CADM1: variants seen among roughly 807,000 people sequenced by gnomAD.
CADM1 encodes TSLC-1.
A neutral mutation model predicts 53.1 loss-of-function variants in CADM1; 15 were observed. The ratio of observed to expected loss-of-function variants is 0.28; its 90% CI spans 0.19 to 0.44. The LOEUF (loss-of-function observed/expected upper bound fraction) is 0.44. CADM1 is among the 20% of genes least tolerant of loss of function. The pLI is 1.00. For missense variants in CADM1, 434 were observed against 611.3 expected (o/e 0.71, Z 3.06); for synonymous variants, 281 against 243.0 (o/e 1.16, Z -1.45).
Position 115,260,130 on chromosome 11 carries a change from A to G in CADM1, c.125-19710T>C, listed in dbSNP as rs117138101. On this transcript the variant is annotated intron_variant, in intron 1 of 11. Coordinates refer to ENST00000331581, the MANE Select transcript of CADM1 (RefSeq NM_001301043.2). The stretch of plus-strand genomic sequence containing the variant: ...TTTTGTTTAGAGACGGGGTCTGTCT[A>G]TGTTGCCCAGGCTGGTCTCAAACTC... 4.3e-4 allele frequency among the ~76,000 whole-genome samples: 66 copies of G among 152,130 alleles called. No individual in the cohort carries two copies. In the East Asian group the frequency reaches 9.3e-3, roughly 22 times the overall value.
chr11:115,210,301 A>C (rs769963131), intron 7 of CADM1, among the ~76,000 whole-genome samples: 1 of 152,256 alleles, frequency 6.6e-6, no homozygotes, highest in Non-Finnish European at 1.5e-5. Context: ...AATATTAATA[A>C]GTTGCCTTTG....
intron 1 of CADM1, among the ~76,000 whole-genome samples, chr11:115,292,657 C>T (rs1943935823): frequency 6.6e-6 from 1 of 152,130 alleles, no homozygotes; most frequent in South Asian, 2.1e-4. Context: ...TTCAATCCTC[C>T]AAGGGATATG....
chr11:115,175,661 G>A lies in CADM1; in HGVS notation c.*813C>T, dbSNP rs1000161176. 1.6e-5 allele frequency: 16 copies of A among 985,938 alleles called. No homozygotes were observed. Among genetic ancestry groups the A allele is most frequent in the South Asian group, 4.7e-5 (1 of 21,300 alleles). The allele number at this position is 985,938 out of a possible 1,614,324, so 61.1% of individuals were successfully genotyped here. On this transcript the variant is annotated 3_prime_UTR_variant, in exon 12 of 12. Coordinates refer to ENST00000331581, the MANE Select transcript of CADM1 (RefSeq NM_001301043.2). ...TCTGCCCCAAACCTTTCTGGACAGC[G>A]TAGGGTATCTATACTGAGCCGTCTA...
At chr11:115,326,715 G>T (rs1237488754) in intron 1 of CADM1, among the ~76,000 whole-genome samples, 1 of 152,072 alleles carries the variant, frequency 6.6e-6, no homozygotes, top group Non-Finnish European at 1.5e-5. Flanking sequence ...ACTTAAAGAT[G>T]ATGAATATTA....
chr11:115,433,051 T>C (rs184285619), intron 1 of CADM1, among the ~76,000 whole-genome samples: 18 of 152,272 alleles, frequency 1.2e-4, no homozygotes, highest in Admixed American at 1.0e-3. Context: ...CTTTAATAGA[T>C]GTGTAAGTCA....
chr11:115,176,415 T>C lies in CADM1; in HGVS notation c.*59A>G, dbSNP rs1288307569. The C allele has an allele frequency of 2.8e-5, 45 of 1,608,904 alleles. No homozygotes were observed. In the South Asian group the frequency reaches 4.5e-4, roughly 16 times the overall value. The stretch of plus-strand genomic sequence containing the variant: ...AATTTCTCGCAAGTTCCAATATCAC[T>C]GTCTCTTTATCATCTAAATAGGGCC... On this transcript the variant is annotated 3_prime_UTR_variant, in exon 12 of 12. Transcript: ENST00000331581.
intron 1 of CADM1, among the ~76,000 whole-genome samples, chr11:115,472,466 TGAGA>T (rs372055333): frequency 1.1e-4 from 17 of 152,290 alleles, no homozygotes; most frequent in African/African-American, 4.1e-4. Context: ...GGTGTGTGTG[TGAGA>T]GAGAGTGCAC....
chr11:115,427,029 GGTTCAACTCT>G (rs1362401929), intron 1 of CADM1, among the ~76,000 whole-genome samples: 2 of 152,120 alleles, frequency 1.3e-5, no homozygotes, highest in African/African-American at 4.8e-5. Context: ...AACATTACTT[GGTTCAACTCT>G]GTTCATTAAA....
chr11:115,286,463 T>C (rs1591672473), intron 1 of CADM1, among the ~76,000 whole-genome samples: 1 of 152,208 alleles, frequency 6.6e-6, no homozygotes, highest in Non-Finnish European at 1.5e-5. Flanking sequence ...GATTACTATA[T>C]GCATTTTCAA....
At chr11:115,389,647 A>G (rs1251824743) in intron 1 of CADM1, among the ~76,000 whole-genome samples, 1 of 152,224 alleles carries the variant, frequency 6.6e-6, no homozygotes, top group Non-Finnish European at 1.5e-5. Flanking sequence ...ATATAGCATG[A>G]TCACAACTAA....
At chr11:115,178,889 CAG>C (rs2134585681) in intron 10 of CADM1, 114 bp from the exon 11 acceptor site, 5 of 1,150,446 alleles carry the variant, frequency 4.3e-6, no homozygotes, top group South Asian at 3.8e-5. Context: ...GGAGGAGTCA[CAG>C]AGAACAATCG....
At chr11:115,406,775 C>T (rs1414702066) in intron 1 of CADM1, among the ~76,000 whole-genome samples, 2 of 150,988 alleles carry the variant, frequency 1.3e-5, no homozygotes, top group East Asian at 3.9e-4. Flanking sequence ...GGTGAAACCC[C>T]ATCTCAACTA....
chr11:115,404,327 G>GGAAAAAAAAAAAAA (rs1947243269), intron 1 of CADM1, among the ~76,000 whole-genome samples: 1 of 5,832 alleles, frequency 1.7e-4, no homozygotes, highest in East Asian at 5.9e-3. Context: ...ATCTGTCTCG[G>GGAAAAAAAAAAAAA]AAAAAAAAAA....
chr11:115,481,914 C>T (rs1056584414), intron 1 of CADM1, among the ~76,000 whole-genome samples: 5 of 152,166 alleles, frequency 3.3e-5, no homozygotes, highest in Non-Finnish European at 7.3e-5. Flanking sequence ...ATTCGTCCTG[C>T]ACCCTCCCGC....
In CADM1 at chr11:115,465,740, T is replaced by A. The variant is rs1948886454; in HGVS notation, c.124+38531A>T. ...CTTCAGAATCTGCCTCCCTTAGATT[T>A]TTTTTCCCCAAGCATTCAATTTTGA... On this transcript the variant is annotated intron_variant, in intron 1 of 11. Transcript: ENST00000331581. Among the ~76,000 whole-genome samples, 3 of 152,016 alleles carry A rather than the reference T, an allele frequency of 2.0e-5. No homozygotes were observed. In the South Asian group the frequency reaches 6.2e-4, roughly 32 times the overall value.
At chr11:115,307,607 G>A (rs1436748257) in intron 1 of CADM1, among the ~76,000 whole-genome samples, 1 of 151,268 alleles carries the variant, frequency 6.6e-6, no homozygotes, top group African/African-American at 2.4e-5. Context: ...CAGGTCTTTA[G>A]GATTAACTAG....
intron 1 of CADM1, among the ~76,000 whole-genome samples, chr11:115,258,405 G>T (rs1942861833): frequency 6.6e-6 from 1 of 152,162 alleles, no homozygotes; most frequent in Admixed American, 6.5e-5. Flanking sequence ...AATCAATACA[G>T]TTCTTATCTG....
At chr11:115,255,439 C>CGA (rs1411940645) in intron 1 of CADM1, among the ~76,000 whole-genome samples, 2 of 152,256 alleles carry the variant, frequency 1.3e-5, no homozygotes, top group African/African-American at 4.8e-5. Flanking sequence ...CAAACTCACA[C>CGA]GAGACCTACT....
chr11:115,457,092 T>G (rs1191157372), intron 1 of CADM1, among the ~76,000 whole-genome samples: 2 of 152,166 alleles, frequency 1.3e-5, no homozygotes, highest in East Asian at 3.9e-4. Flanking sequence ...TATTAAGGGC[T>G]TCTACATACA....
Sources: allele counts gnomAD v4.1 joint callset (sites outside exome capture counted in the v4.1 genomes callset), GRCh38; gene constraint gnomAD v4.1.1; transcripts MANE v1.5; gene names NCBI Gene and HGNC (gene_info 2026-07-23, HGNC 2026-07-21).